UNC13C: variants seen among roughly 807,000 people sequenced by gnomAD.
UNC13C encodes protein unc-13 homolog C.
UNC13C carries 174 observed loss-of-function variants against 245.4 expected under a neutral mutation model. The ratio of observed to expected loss-of-function variants is 0.71; its 90% CI spans 0.63 to 0.80. The LOEUF (loss-of-function observed/expected upper bound fraction) is 0.80, where lower values mean the gene tolerates loss of function less well. UNC13C is among the 30% of genes least tolerant of loss of function. The pLI, the probability that UNC13C is intolerant of heterozygous loss-of-function variation, is 0.00. For missense variants in UNC13C, 2,829 were observed against 2,602.9 expected (o/e 1.09, Z -1.89); for synonymous variants, 992 against 895.1 (o/e 1.11, Z -1.93).
At chr15:54,631,846 T>C (rs1901462945), downstream of UNC13C, 1 of 152,190 alleles carries the variant, frequency 6.6e-6, no homozygotes. Flanking sequence ...TCTTGGGTGA[T>C]TATCTATTAG....
the UNC13C span, among the ~76,000 whole-genome samples, chr15:53,896,701 A>C: frequency 5.3e-5 from 8 of 152,144 alleles, no homozygotes; most frequent in Non-Finnish European, 5.9e-5. Context: ...CAGCCTCCCT[A>C]AAGATGTAAG....
chr15:54,236,739 T>G (rs1161366253), intron 6 of UNC13C, among the ~76,000 whole-genome samples: 1 of 152,210 alleles, frequency 6.6e-6, no homozygotes, highest in Non-Finnish European at 1.5e-5. Flanking sequence ...AATGTGGAGA[T>G]GAGTGGAGAG....
chr15:54,141,142 C>A (rs2031998507), intron 2 of UNC13C, among the ~76,000 whole-genome samples: 1 of 151,998 alleles, frequency 6.6e-6, no homozygotes, highest in Non-Finnish European at 1.5e-5. Context: ...TCATTGTTTT[C>A]CAAACTAGTT....
chr15:54,093,602 G>A (rs528723068), intron 2 of UNC13C, among the ~76,000 whole-genome samples: 11 of 152,204 alleles, frequency 7.2e-5, no homozygotes, highest in Non-Finnish European at 1.5e-4. Context: ...AAATGCACGT[G>A]GGTGCTGCAA....
intron 18 of UNC13C, 78 bp downstream of exon 18, chr15:54,393,259 A>G (rs1200225020): frequency 1.6e-6 from 2 of 1,231,682 alleles, no homozygotes; most frequent in Non-Finnish European, 1.1e-6. Context: ...CGCAACATAT[A>G]CTGACGACAA....
chr15:54,258,023 C>A (rs2036323493), intron 8 of UNC13C, among the ~76,000 whole-genome samples: 1 of 152,074 alleles, frequency 6.6e-6, no homozygotes, highest in Non-Finnish European at 1.5e-5. Context: ...ACCCATTTCC[C>A]ATGTCAGAGA....
At chr15:54,303,311 A>C (rs993046670) in intron 13 of UNC13C, among the ~76,000 whole-genome samples, 1 of 152,302 alleles carries the variant, frequency 6.6e-6, no homozygotes, top group East Asian at 1.9e-4. Context: ...AGTATGATGA[A>C]CAGTCTAAGG....
At chr15:54,148,985 C>T (rs1205854109) in intron 4 of UNC13C, among the ~76,000 whole-genome samples, 2 of 152,168 alleles carry the variant, frequency 1.3e-5, no homozygotes, top group African/African-American at 4.8e-5. Flanking sequence ...CCCCATGTGT[C>T]AAGGAGGGAC....
At chr15:54,202,265 A>G (rs2034547386) in intron 4 of UNC13C, among the ~76,000 whole-genome samples, 1 of 152,008 alleles carries the variant, frequency 6.6e-6, no homozygotes, top group Admixed American at 6.6e-5. Flanking sequence ...TACAAATTCG[A>G]TACAATTCCT....
chr15:54,483,829 C>A (rs1206488762), intron 19 of UNC13C, among the ~76,000 whole-genome samples: 2 of 152,164 alleles, frequency 1.3e-5, no homozygotes, highest in African/African-American at 4.8e-5. Context: ...TTGTGAGAAA[C>A]ACTCTCCCTA....
chr15:54,181,704 G>A (rs2033805887), intron 4 of UNC13C, among the ~76,000 whole-genome samples: 2 of 151,788 alleles, frequency 1.3e-5, no homozygotes, highest in African/African-American at 4.8e-5. Context: ...CCATTTGTTT[G>A]TTTCACCTAT....
At chr15:53,856,735 AGGTGATAAGAATGTATAT>A in the UNC13C span, among the ~76,000 whole-genome samples, 188 of 152,168 alleles carry the variant, frequency 1.2e-3, 2 homozygotes, top group South Asian at 0.025. Flanking sequence ...AAGTGCCGTG[AGGTGATAAGAATGTATAT>A]TCTGTTTTTG....
intron 4 of UNC13C, among the ~76,000 whole-genome samples, chr15:54,183,982 T>A (rs934368014): frequency 2.0e-5 from 3 of 151,178 alleles, no homozygotes; most frequent in African/African-American, 7.3e-5. Flanking sequence ...AAAAAAAAAA[T>A]TGCAAATAGA....
At chr15:54,193,666 G>A (rs1443129344) in intron 4 of UNC13C, among the ~76,000 whole-genome samples, 5 of 152,072 alleles carry the variant, frequency 3.3e-5, no homozygotes, top group Non-Finnish European at 5.9e-5. Flanking sequence ...GCAACTTAAT[G>A]TTATTGTTTC....
At chr15:54,562,939 T>C (rs931938293) in intron 29 of UNC13C, among the ~76,000 whole-genome samples, 3 of 152,054 alleles carry the variant, frequency 2.0e-5, no homozygotes, top group Admixed American at 1.3e-4. Flanking sequence ...TCTACCTCTG[T>C]TGATGCATGG....
chr15:54,449,719 A>G (rs145753369), intron 19 of UNC13C, among the ~76,000 whole-genome samples: 2 of 152,172 alleles, frequency 1.3e-5, no homozygotes, highest in African/African-American at 4.8e-5. Context: ...AATGGGTTCA[A>G]ACTTCCTCCT....
At chr15:54,102,549 T>C (rs1369300037) in intron 2 of UNC13C, among the ~76,000 whole-genome samples, 2 of 152,166 alleles carry the variant, frequency 1.3e-5, no homozygotes, top group Non-Finnish European at 2.9e-5. Context: ...CCAGTAGAGG[T>C]GTTCTATCCG....
rs527523077 is a variant in UNC13C, at chr15:54,269,104, C to T, written c.3818+3608C>T. On this transcript the variant is annotated intron_variant, in intron 10 of 32. Coordinates refer to ENST00000260323, the MANE Select transcript of UNC13C (RefSeq NM_001080534.3). ...TAAGTTTTAGAGTACATGTGCACAA[C>T]GTGCAGCAAACTATCTACCTTGGTT... Among the ~76,000 whole-genome samples, 53 of 150,856 alleles carry T rather than the reference C, an allele frequency of 3.5e-4. 1 individual carries two copies. Among genetic ancestry groups the T allele is most frequent in the Admixed American group, 5.9e-4 (9 of 15,182 alleles).
At chr15:54,587,180 T>C (rs74358309) in intron 30 of UNC13C, among the ~76,000 whole-genome samples, 1 of 152,018 alleles carries the variant, frequency 6.6e-6, no homozygotes, top group Admixed American at 6.6e-5. Context: ...CAAATACTTA[T>C]AAGGTGAAAT....
Sources: gnomAD v4.1 joint callset for allele counts (sites outside exome capture counted in the v4.1 genomes callset) on GRCh38, gnomAD v4.1.1 for gene constraint, MANE v1.5 for transcripts, NCBI Gene and HGNC (gene_info 2026-07-23, HGNC 2026-07-21) for gene names.